AFF2: variants seen among roughly 807,000 people sequenced by gnomAD.
AFF2 encodes the protein ALF transcription elongation factor 2.
Under a neutral mutation model 76.9 loss-of-function variants are expected in AFF2, and 14 were observed. That is an observed-to-expected ratio of 0.18 (90% CI 0.12 to 0.28). The LOEUF (loss-of-function observed/expected upper bound fraction) is 0.28. Among genes scored for constraint, AFF2 ranks in the 10% least tolerant of loss-of-function variants. The pLI, the probability that AFF2 is intolerant of heterozygous loss-of-function variation, is 1.00. For synonymous variants in AFF2, 398 were observed against 366.7 expected, an observed-to-expected ratio of 1.09 and a Z score of -0.98; for missense variants, 868 against 1,001.1, an observed-to-expected ratio of 0.87 and a Z score of 1.79.
intron 3 of AFF2, among the ~76,000 whole-genome samples, chrX:148,801,644 G>T (rs1557270943): frequency 9.0e-6 from 1 of 111,551 alleles, no homozygotes; most frequent in Admixed American, 9.6e-5. Flanking sequence ...TCCTTATCAA[G>T]GACTTTGCTT....
intron 1 of AFF2, among the ~76,000 whole-genome samples, chrX:148,631,166 C>T (rs952686038): frequency 2.7e-5 from 3 of 111,504 alleles, no homozygotes; most frequent in East Asian, 5.7e-4. Flanking sequence ...TTGCAGGGTT[C>T]CAGAAGATTA....
chrX:148,839,416 G>T (rs920517834), intron 5 of AFF2, among the ~76,000 whole-genome samples: 26 of 111,953 alleles, frequency 2.3e-4, no homozygotes, highest in African/African-American at 8.1e-4. Flanking sequence ...TTAATATATA[G>T]TAAATAATTT....
chrX:148,740,213 A>T (rs1448863135), intron 3 of AFF2, among the ~76,000 whole-genome samples: 1 of 111,981 alleles, frequency 8.9e-6, no homozygotes, highest in East Asian at 2.8e-4. Context: ...AGGCCAGGGA[A>T]GTTTTCCTCG....
rs782274593 is a variant in AFF2, at chrX:148,681,565, AGTGT to A, written c.1041+18813_1041+18816del. On this transcript the variant is annotated intron_variant, in intron 3 of 20. Transcript: ENST00000370460. ...GTGTGTGTGTGTGTGTGTGTGTGTC[AGTGT>A]GTGTGTGTGTGTGTGAGAGAGAGAG... 1.7e-4 allele frequency among the ~76,000 whole-genome samples: 11 copies of A among 64,066 alleles called. No homozygotes were observed. In the South Asian group the frequency reaches 2.8e-3, roughly 16 times the overall value. The allele number at this position is 64,066 out of a possible 115,157, so 55.6% of individuals were successfully genotyped here.
At chrX:148,837,842 T>C (rs1730072426) in intron 5 of AFF2, 109 bp downstream of exon 5, 1 of 493,420 alleles carries the variant, frequency 2.0e-6, no homozygotes, top group Non-Finnish European at 3.6e-6. Flanking sequence ...TGCCATAAAA[T>C]CTAGACTCTC....
chrX:148,723,530 A>G (rs782060690), intron 3 of AFF2, among the ~76,000 whole-genome samples: 1 of 111,963 alleles, frequency 8.9e-6, no homozygotes, highest in Non-Finnish European at 1.9e-5. Flanking sequence ...ACTTCAGTAG[A>G]CAATCACCTT....
At chrX:148,942,749 G>T (rs1557285711) in intron 9 of AFF2, among the ~76,000 whole-genome samples, 4 of 108,692 alleles carry the variant, frequency 3.7e-5, no homozygotes, top group Non-Finnish European at 7.6e-5. Context: ...CCAGGAGGCG[G>T]ACGTTGCAGT....
chrX:148,968,316 T>C (rs903694644), intron 15 of AFF2, among the ~76,000 whole-genome samples: 1 of 111,354 alleles, frequency 9.0e-6, no homozygotes, highest in East Asian at 2.8e-4. Context: ...TGGCTGAGGC[T>C]CCTAACAGTG....
At chrX:148,917,928 A>G (rs1557282799) in intron 9 of AFF2, among the ~76,000 whole-genome samples, 3 of 112,410 alleles carry the variant, frequency 2.7e-5, no homozygotes. Flanking sequence ...TAAAGGAAAT[A>G]ACATTGCTAC....
intron 1 of AFF2, among the ~76,000 whole-genome samples, chrX:148,546,018 A>C (rs782161433): frequency 8.9e-6 from 1 of 112,307 alleles, no homozygotes; most frequent in Non-Finnish European, 1.9e-5. Flanking sequence ...GTTTATAGAG[A>C]TGTAGTGACT....
intron 4 of AFF2, among the ~76,000 whole-genome samples, chrX:148,823,494 G>A (rs1485992743): frequency 9.0e-6 from 1 of 111,614 alleles, no homozygotes; most frequent in Non-Finnish European, 1.9e-5. Flanking sequence ...GTTACATGTG[G>A]CCAGTGTTTG....
intron 2 of AFF2, among the ~76,000 whole-genome samples, chrX:148,659,937 A>T (rs1193691237): frequency 1.8e-5 from 2 of 112,425 alleles, no homozygotes; most frequent in Non-Finnish European, 3.8e-5. Context: ...GTACTTTTGA[A>T]AACAGAGTGA....
In AFF2 at chrX:148,909,332, A is replaced by T. The variant is rs185940441; in HGVS notation, c.1397+5074A>T. Among the ~76,000 whole-genome samples the T allele has an allele frequency of 2.0e-3, 219 of 112,281 alleles. 1 individual carries two copies. The highest frequency in any genetic ancestry group is 0.017 in the Admixed American group (178 of 10,624). ...TGTAGATGGATTTATTGCAAAGGGC[A>T]TATTAATTTTCTAAAATTCTGTCAC... On this transcript the variant is annotated intron_variant, in intron 9 of 20. Transcript: ENST00000370460.
At chrX:148,583,510 T>C in intron 1 of AFF2, among the ~76,000 whole-genome samples, 1 of 112,005 alleles carries the variant, frequency 8.9e-6, no homozygotes, top group Middle Eastern at 4.7e-3. Flanking sequence ...TAGTAGTTTC[T>C]ATGTCCTAAA....
chrX:148,772,005 T>G (rs2069594146), intron 3 of AFF2, among the ~76,000 whole-genome samples: 1 of 111,825 alleles, frequency 8.9e-6, no homozygotes, highest in African/African-American at 3.2e-5. Context: ...CATGCAAGAC[T>G]GGATGTAGGC....
chrX:148,785,057 C>T lies in AFF2; in HGVS notation c.1042-24819C>T, dbSNP rs782634393. ...TTGCTTTCGCTTCTCTTGCTCCCCCCCTTCCCCCAAGGCAGTGAGAGGCTT... is the reference window on the plus strand; with the variant it reads ...TTGCTTTCGCTTCTCTTGCTCCCCCTCTTCCCCCAAGGCAGTGAGAGGCTT... On this transcript the variant is annotated intron_variant, in intron 3 of 20. Transcript: ENST00000370460. Among the ~76,000 whole-genome samples, 5 of 111,956 alleles carry T rather than the reference C, an allele frequency of 4.5e-5. No homozygotes were observed. In the East Asian group the frequency reaches 1.1e-3, roughly 25 times the overall value.
intron 1 of AFF2, among the ~76,000 whole-genome samples, chrX:148,622,954 A>G (rs1557251448): frequency 2.7e-5 from 3 of 111,994 alleles, no homozygotes; most frequent in South Asian, 7.4e-4. Context: ...CTTCAGGGAC[A>G]TTATGTGTTT....
At chrX:148,835,423 T>C (rs1338979877) in intron 4 of AFF2, among the ~76,000 whole-genome samples, 1 of 110,869 alleles carries the variant, frequency 9.0e-6, no homozygotes, top group African/African-American at 3.3e-5. Context: ...GATGTTTTGA[T>C]ATGTATATAC....
At chrX:148,786,326 C>T (rs928873572) in intron 3 of AFF2, among the ~76,000 whole-genome samples, 2 of 111,624 alleles carry the variant, frequency 1.8e-5, no homozygotes, top group Admixed American at 1.9e-4. Context: ...TATTTGTCTT[C>T]ACCCACTAAC....
Sources: allele counts gnomAD v4.1 joint callset (sites outside exome capture counted in the v4.1 genomes callset), GRCh38; gene constraint gnomAD v4.1.1; transcripts MANE v1.5; gene names NCBI Gene and HGNC (gene_info 2026-07-23, HGNC 2026-07-21).